AGBL4: variants seen among roughly 807,000 people sequenced by gnomAD.
The protein encoded by AGBL4 is AGBL carboxypeptidase 4.
In AGBL4, 58 loss-of-function variants were observed where a neutral mutation model predicts 66.4. The observed-to-expected ratio is 0.87, with a 90% confidence interval of 0.71 to 1.09. The LOEUF (loss-of-function observed/expected upper bound fraction) is 1.09. Among genes scored for constraint, AGBL4 ranks in the 50% least tolerant of loss-of-function variants. AGBL4 has a pLI of 0.00. For synonymous variants in AGBL4, 234 were observed against 222.9 expected, an observed-to-expected ratio of 1.05 and a Z score of -0.44; for missense variants, 579 against 631.0, an observed-to-expected ratio of 0.92 and a Z score of 0.88.
intron 11 of AGBL4, among the ~76,000 whole-genome samples, chr1:48,577,187 T>C (rs1644667438): frequency 6.6e-6 from 1 of 152,234 alleles, no homozygotes; most frequent in East Asian, 1.9e-4. Context: ...CTTTCCACTT[T>C]TGGGCTCTTC....
intron 9 of AGBL4, among the ~76,000 whole-genome samples, chr1:48,619,671 G>T (rs979246822): frequency 6.6e-6 from 1 of 152,202 alleles, no homozygotes; most frequent in Non-Finnish European, 1.5e-5. Flanking sequence ...TAAGAGGAAA[G>T]AAGTTTTCCT....
chr1:48,734,375 A>G (rs1570408386), intron 6 of AGBL4, among the ~76,000 whole-genome samples: 1 of 151,768 alleles, frequency 6.6e-6, no homozygotes, highest in South Asian at 2.1e-4. Context: ...ATATTTCTCC[A>G]CCTCCACTGC....
At chr1:49,513,686 C>T (rs1388661558) in intron 3 of AGBL4, among the ~76,000 whole-genome samples, 1 of 152,012 alleles carries the variant, frequency 6.6e-6, no homozygotes, top group Non-Finnish European at 1.5e-5. Flanking sequence ...AAAGATATTT[C>T]AACTCAACAG....
At chr1:49,328,547 C>T (rs1397560464) in intron 3 of AGBL4, among the ~76,000 whole-genome samples, 1 of 152,082 alleles carries the variant, frequency 6.6e-6, no homozygotes, top group African/African-American at 2.4e-5. Context: ...ACTGTGATGT[C>T]ACTTCTATAT....
intron 5 of AGBL4, among the ~76,000 whole-genome samples, chr1:48,940,125 A>G (rs1290534245): frequency 6.6e-6 from 1 of 152,214 alleles, no homozygotes; most frequent in African/African-American, 2.4e-5. Flanking sequence ...TGCTAACCCC[A>G]TTTAAGAGTT....
Position 49,376,723 on chromosome 1 carries a change from T to A in AGBL4, c.283-130859A>T, listed in dbSNP as rs914605197. The stretch of plus-strand genomic sequence containing the variant: ...ACTAATCTCTCAATCTTTAAGATCA[T>A]TTTAGAGGGGATCTTCCCAGAAATC... On this transcript the variant is annotated intron_variant, in intron 3 of 13. Coordinates refer to ENST00000371839, the MANE Select transcript of AGBL4 (RefSeq NM_032785.4). Among the ~76,000 whole-genome samples, 4 of 152,210 alleles carry A rather than the reference T, an allele frequency of 2.6e-5. No homozygotes were observed. The East Asian group carries it at 7.7e-4, about 29-fold the overall frequency.
chr1:49,877,498 A>G (rs543514047), intron 1 of AGBL4, among the ~76,000 whole-genome samples: 16 of 150,800 alleles, frequency 1.1e-4, no homozygotes, highest in East Asian at 1.9e-4. Flanking sequence ...CTTGCATCCC[A>G]GGGATGAAGC....
intron 5 of AGBL4, among the ~76,000 whole-genome samples, chr1:48,876,439 G>A (rs1309008644): frequency 3.3e-5 from 5 of 152,188 alleles, no homozygotes; most frequent in African/African-American, 1.2e-4. Flanking sequence ...GGCCGTTCCA[G>A]TCATGAGTCA....
At chr1:49,501,340 G>A (rs187378852) in intron 3 of AGBL4, among the ~76,000 whole-genome samples, 3 of 152,080 alleles carry the variant, frequency 2.0e-5, no homozygotes, top group African/African-American at 7.2e-5. Context: ...GCTCTGGCTG[G>A]TGGTTATTGG....
chr1:49,579,227 AT>A (rs1274299439), intron 3 of AGBL4, among the ~76,000 whole-genome samples: 2 of 152,186 alleles, frequency 1.3e-5, no homozygotes, highest in African/African-American at 4.8e-5. Flanking sequence ...TATGATAAAT[AT>A]CAAGAATATA....
chr1:49,451,813 TGTAGA>T lies in AGBL4; in HGVS notation c.283-205954_283-205950del, dbSNP rs1160299749. ...TACAGAACAGGTGTTCAAAGACAAT[TGTAGA>T]GTAAAGGAAAAAATTACCTCACCCA... On this transcript the variant is annotated intron_variant, in intron 3 of 13. Coordinates refer to ENST00000371839, the MANE Select transcript of AGBL4 (RefSeq NM_032785.4). 2.0e-5 allele frequency among the ~76,000 whole-genome samples: 3 copies of T among 151,900 alleles called. No individual in the cohort carries two copies. The East Asian group carries it at 5.8e-4, about 29-fold the overall frequency.
chr1:49,652,593 T>G (rs11581770), intron 3 of AGBL4, among the ~76,000 whole-genome samples: 3,848 of 152,148 alleles, frequency 0.025, 153 homozygotes, highest in East Asian at 0.21. Flanking sequence ...GTACTGGCAA[T>G]GGGTAGGGAT....
intron 3 of AGBL4, among the ~76,000 whole-genome samples, chr1:49,435,265 A>G (rs1260795779): frequency 1.3e-5 from 2 of 152,208 alleles, no homozygotes; most frequent in Non-Finnish European, 2.9e-5. Context: ...AATTAAGAAT[A>G]TTTATTGAAT....
intron 5 of AGBL4, among the ~76,000 whole-genome samples, chr1:49,011,211 G>C (rs879386931): frequency 1.3e-5 from 2 of 151,808 alleles, no homozygotes; most frequent in East Asian, 3.9e-4. Flanking sequence ...CCATCAAAAA[G>C]TGGGCAAAGG....
chr1:48,912,582 C>T (rs1435518909), intron 5 of AGBL4, among the ~76,000 whole-genome samples: 1 of 152,162 alleles, frequency 6.6e-6, no homozygotes, highest in African/African-American at 2.4e-5. Context: ...TGTTGTCCAG[C>T]CCACTGCCAA....
Position 49,329,684 on chromosome 1 carries a change from C to T in AGBL4, c.283-83820G>A, listed in dbSNP as rs539353102. Among the ~76,000 whole-genome samples the T allele has an allele frequency of 6.7e-4, 102 of 151,518 alleles. 2 individuals are homozygous for T. Among genetic ancestry groups the T allele is most frequent in the Admixed American group, 2.3e-3 (35 of 15,210 alleles). Reference sequence around the variant, plus strand: ...CCCCGCCCCCCGCCAAAAAAAAGCACATGTGAACACATGTGAACATTCCTC... The same window carrying T: ...CCCCGCCCCCCGCCAAAAAAAAGCATATGTGAACACATGTGAACATTCCTC... On this transcript the variant is annotated intron_variant, in intron 3 of 13. Coordinates refer to ENST00000371839, the MANE Select transcript of AGBL4 (RefSeq NM_032785.4).
At chr1:49,000,121 G>A (rs1356414346) in intron 5 of AGBL4, among the ~76,000 whole-genome samples, 2 of 152,122 alleles carry the variant, frequency 1.3e-5, no homozygotes, top group East Asian at 3.8e-4. Context: ...CATCTTTAAT[G>A]TGCTGCAAGT....
In AGBL4 at chr1:49,836,253, T is replaced by G. The variant is rs184222611; in HGVS notation, c.157+15143A>C. 4.6e-5 allele frequency among the ~76,000 whole-genome samples: 7 copies of G among 152,342 alleles called. No homozygotes were observed. The East Asian group carries it at 1.2e-3, about 25-fold the overall frequency. On this transcript the variant is annotated intron_variant, in intron 2 of 13. Transcript: ENST00000371839. ...TTGGTCTTTTCACATAGTCCCATGT[T>G]TCTTGGAGGCTTTGTTCATTCCTTT...
intron 6 of AGBL4, among the ~76,000 whole-genome samples, chr1:48,797,367 C>T (rs907806396): frequency 6.6e-6 from 1 of 152,144 alleles, no homozygotes; most frequent in Admixed American, 6.5e-5. Flanking sequence ...TTATCCCTCA[C>T]CCCCATCCTA....
Sources: gnomAD v4.1 joint callset for allele counts (sites outside exome capture counted in the v4.1 genomes callset) on GRCh38, gnomAD v4.1.1 for gene constraint, MANE v1.5 for transcripts, NCBI Gene and HGNC (gene_info 2026-07-23, HGNC 2026-07-21) for gene names.